LHFPL3: variants seen among roughly 807,000 people sequenced by gnomAD.
LHFPL3 encodes the protein LHFPL tetraspan subfamily member 3 protein.
Under a neutral mutation model 19.3 loss-of-function variants are expected in LHFPL3, and 5 were observed. The ratio of observed to expected loss-of-function variants is 0.26; its 90% CI spans 0.14 to 0.54. The LOEUF is 0.54. Among genes scored for constraint, LHFPL3 ranks in the 20% least tolerant of loss-of-function variants. LHFPL3 has a pLI of 0.94. For missense variants in LHFPL3, 249 were observed against 307.4 expected (o/e 0.81, Z 1.42); for synonymous variants, 133 against 126.2 (o/e 1.05, Z -0.36).
At chr7:104,626,792 G>C (rs185007657) in intron 1 of LHFPL3, among the ~76,000 whole-genome samples, 1 of 152,252 alleles carries the variant, frequency 6.6e-6, no homozygotes, top group Non-Finnish European at 1.5e-5. Flanking sequence ...AATCAATTTA[G>C]ACAAGGGTCT....
chr7:104,513,568 A>G (rs1793862955), intron 1 of LHFPL3, among the ~76,000 whole-genome samples: 2 of 152,200 alleles, frequency 1.3e-5, no homozygotes. Context: ...CATAGGGGAG[A>G]TCCCCATTAC....
chr7:104,342,954 A>T (rs148073389), intron 1 of LHFPL3, among the ~76,000 whole-genome samples: 3 of 151,972 alleles, frequency 2.0e-5, no homozygotes, highest in Admixed American at 6.5e-5. Flanking sequence ...TTTGCATTTC[A>T]TAAGGGCTGT....
Position 104,859,444 on chromosome 7 carries a change from G to A in LHFPL3, c.683-46743G>A, listed in dbSNP as rs189829025. 7.4e-3 allele frequency among the ~76,000 whole-genome samples: 1,125 copies of A among 152,074 alleles called. 13 individuals carry two copies. The highest frequency in any genetic ancestry group is 0.034 in the South Asian group (163 of 4,804). The stretch of plus-strand genomic sequence containing the variant: ...AGAACTTTGGGAGGCTGAGGCAGGC[G>A]GATCACTTGAGGTCAGGAGTTCAAG... On this transcript the variant is annotated intron_variant, in intron 2 of 2. Transcript: ENST00000424859.
intron 1 of LHFPL3, among the ~76,000 whole-genome samples, chr7:104,332,048 T>A (rs1194442920): frequency 1.3e-5 from 2 of 152,182 alleles, no homozygotes; most frequent in Admixed American, 6.5e-5. Flanking sequence ...CCTAGGCTAA[T>A]CTCAAGTGTA....
chr7:104,563,271 C>T (rs1193056413), intron 1 of LHFPL3, among the ~76,000 whole-genome samples: 2 of 152,218 alleles, frequency 1.3e-5, no homozygotes, highest in Admixed American at 6.5e-5. Context: ...GCGGGCGCCC[C>T]TCCCCCAGCC....
intron 2 of LHFPL3, among the ~76,000 whole-genome samples, chr7:104,856,530 G>A (rs994661047): frequency 4.6e-5 from 7 of 152,140 alleles, no homozygotes; most frequent in African/African-American, 1.4e-4. Flanking sequence ...TTACAGGCAC[G>A]AGCCACTGAG....
At chr7:104,619,876 G>A (rs994390035) in intron 1 of LHFPL3, among the ~76,000 whole-genome samples, 11 of 151,990 alleles carry the variant, frequency 7.2e-5, no homozygotes, top group Non-Finnish European at 1.6e-4. Flanking sequence ...AGCAGGGGGC[G>A]GGAATGGTTT....
In LHFPL3 at chr7:104,839,666, CTTAAAAAAA is replaced by C. The variant is rs796364194; in HGVS notation, c.683-66520_683-66512del. Among the ~76,000 whole-genome samples the C allele has an allele frequency of 2.0e-3, 301 of 150,378 alleles. 2 individuals carry two copies. Among genetic ancestry groups the C allele is most frequent in the African/African-American group, 6.8e-3 (279 of 41,074 alleles). Reference sequence around the variant, plus strand: ...CCTGGGCAACAGAGCAAGACTCTACCTTAAAAAAAGAAAAAAAAGAAAGAAAAAAAATTA... The same window carrying C: ...CCTGGGCAACAGAGCAAGACTCTACCGAAAAAAAAGAAAGAAAAAAAATTA... On this transcript the variant is annotated intron_variant, in intron 2 of 2. Coordinates refer to ENST00000424859, the MANE Select transcript of LHFPL3 (RefSeq NM_199000.3).
At chr7:104,707,763 G>A (rs1184468193) in intron 1 of LHFPL3, among the ~76,000 whole-genome samples, 1 of 152,154 alleles carries the variant, frequency 6.6e-6, no homozygotes, top group East Asian at 1.9e-4. Context: ...ATTTCCTGCA[G>A]AATGTAAAGA....
intron 1 of LHFPL3, among the ~76,000 whole-genome samples, chr7:104,466,695 G>A (rs1792792177): frequency 1.3e-5 from 2 of 152,184 alleles, no homozygotes; most frequent in Non-Finnish European, 2.9e-5. Flanking sequence ...TTACAGATAA[G>A]TAGAACTGAG....
At chr7:104,888,121 A>C (rs1301248939) in intron 2 of LHFPL3, among the ~76,000 whole-genome samples, 1 of 152,242 alleles carries the variant, frequency 6.6e-6, no homozygotes, top group Non-Finnish European at 1.5e-5. Context: ...ACATACATAC[A>C]TGCTCACTCA....
chr7:104,368,275 T>C (rs1226029394), intron 1 of LHFPL3, among the ~76,000 whole-genome samples: 1 of 152,238 alleles, frequency 6.6e-6, no homozygotes, highest in Non-Finnish European at 1.5e-5. Context: ...CAGCCTCTTT[T>C]AGTTGTTGTT....
chr7:104,548,543 C>T (rs906002280), intron 1 of LHFPL3, among the ~76,000 whole-genome samples: 4 of 152,064 alleles, frequency 2.6e-5, no homozygotes, highest in African/African-American at 9.6e-5. Context: ...ATACTTTATC[C>T]CCTTAAAATA....
At chr7:104,576,658 T>G (rs1790344853) in intron 1 of LHFPL3, among the ~76,000 whole-genome samples, 1 of 145,608 alleles carries the variant, frequency 6.9e-6, no homozygotes, top group Non-Finnish European at 1.5e-5. Context: ...GTTTGTTTGT[T>G]TTGTTTTGTT....
At chr7:104,719,984 A>T (rs1030774010) in intron 1 of LHFPL3, among the ~76,000 whole-genome samples, 3 of 152,152 alleles carry the variant, frequency 2.0e-5, no homozygotes, top group African/African-American at 4.8e-5. Flanking sequence ...CTGACCTCCA[A>T]ACCAACTGAG....
At chr7:104,426,731 C>T (rs1349275208) in intron 1 of LHFPL3, among the ~76,000 whole-genome samples, 1 of 152,168 alleles carries the variant, frequency 6.6e-6, no homozygotes, top group Non-Finnish European at 1.5e-5. Context: ...AATTCTTTTT[C>T]TCCAAAATAT....
intron 1 of LHFPL3, among the ~76,000 whole-genome samples, chr7:104,372,098 G>A (rs1180327517): frequency 1.3e-5 from 2 of 152,188 alleles, no homozygotes; most frequent in Non-Finnish European, 2.9e-5. Context: ...GTTCCAAACA[G>A]TCATTAGAAA....
At chr7:104,451,364 C>CA (rs1792433560) in intron 1 of LHFPL3, among the ~76,000 whole-genome samples, 1 of 152,104 alleles carries the variant, frequency 6.6e-6, no homozygotes, top group African/African-American at 2.4e-5. Flanking sequence ...TAAGGCAAGC[C>CA]AATCAATTAT....
chr7:104,825,084 GGA>G (rs1790791346), intron 2 of LHFPL3, among the ~76,000 whole-genome samples: 1 of 150,544 alleles, frequency 6.6e-6, no homozygotes, highest in South Asian at 2.1e-4. Context: ...GGGGAGTGGG[GGA>G]GAGAGTTAAG....
Sources: gnomAD v4.1 joint callset for allele counts (sites outside exome capture counted in the v4.1 genomes callset) on GRCh38, gnomAD v4.1.1 for gene constraint, MANE v1.5 for transcripts, NCBI Gene and HGNC (gene_info 2026-07-23, HGNC 2026-07-21) for gene names.